Variants in NFIA observed in about 807,000 individuals in gnomAD.
NFIA encodes the protein nuclear factor I A, also known as nuclear factor 1 A-type.
In NFIA, 8 loss-of-function variants were observed where a neutral mutation model predicts 62.8. The ratio of observed to expected loss-of-function variants is 0.13; its 90% CI spans 0.07 to 0.23. NFIA has a LOEUF of 0.23. NFIA is among the 10% of genes least tolerant of loss of function. NFIA has a pLI of 1.00. For missense variants in NFIA, 410 were observed against 642.1 expected, an observed-to-expected ratio of 0.64 and a Z score of 3.91; for synonymous variants, 235 against 238.1, an observed-to-expected ratio of 0.99 and a Z score of 0.12.
At chr1:61,155,679 C>CAAA (rs35851988) in intron 2 of NFIA, among the ~76,000 whole-genome samples, 2,258 of 108,634 alleles carry the variant, frequency 0.021, 193 homozygotes, top group East Asian at 0.094. Flanking sequence ...GACTCCATCT[C>CAAA]AAAAAAAAAA....
chr1:61,205,120 C>G lies in NFIA; in HGVS notation c.560-72400C>G, dbSNP rs76359386. Among the ~76,000 whole-genome samples the G allele has an allele frequency of 6.8e-3, 1,040 of 152,282 alleles. 6 individuals carry two copies. The highest frequency in any genetic ancestry group is 0.024 in the African/African-American group (993 of 41,554). On this transcript the variant is annotated intron_variant, in intron 2 of 10. Coordinates refer to ENST00000403491, the MANE Select transcript of NFIA (RefSeq NM_001134673.4). ...AGGTAATACTATTATTATCTATCTC[C>G]ATTTTACAAATGAGGAAACTGAAGC... is the stretch of plus-strand genomic sequence containing the variant.
At chr1:61,374,719 T>A (rs1337930036) in intron 6 of NFIA, among the ~76,000 whole-genome samples, 1 of 152,210 alleles carries the variant, frequency 6.6e-6, no homozygotes, top group Non-Finnish European at 1.5e-5. Context: ...TGAACTTCTT[T>A]ATGATGTGAT....
At chr1:61,428,829 C>T (rs1666981977) in intron 10 of NFIA, among the ~76,000 whole-genome samples, 1 of 152,084 alleles carries the variant, frequency 6.6e-6, no homozygotes, top group Admixed American at 6.6e-5. Context: ...TATTGATACC[C>T]TTGTTACAAA....
intron 1 of NFIA, among the ~76,000 whole-genome samples, chr1:61,086,265 A>G (rs1403217971): frequency 6.6e-6 from 1 of 152,044 alleles, no homozygotes; most frequent in Non-Finnish European, 1.5e-5. Flanking sequence ...TCAAACCTAA[A>G]ATTTATGTAT....
At chr1:61,262,102 ATGT>A (rs970145862) in intron 2 of NFIA, among the ~76,000 whole-genome samples, 122 of 152,294 alleles carry the variant, frequency 8.0e-4, no homozygotes, top group African/African-American at 2.8e-3. Context: ...GGGACTTTTA[ATGT>A]TGTTCTATAC....
At chr1:61,226,370 CT>C (rs1654331728) in intron 2 of NFIA, among the ~76,000 whole-genome samples, 2 of 152,154 alleles carry the variant, frequency 1.3e-5, no homozygotes, top group African/African-American at 4.8e-5. Context: ...CATAATATTC[CT>C]TTACAAAATG....
At chr1:61,142,601 C>T (rs1171871724) in intron 2 of NFIA, among the ~76,000 whole-genome samples, 1 of 152,144 alleles carries the variant, frequency 6.6e-6, no homozygotes, top group Non-Finnish European at 1.5e-5. Flanking sequence ...TGAATGAACA[C>T]AGGATTATGA....
chr1:61,273,852 T>C (rs527837075), intron 2 of NFIA, among the ~76,000 whole-genome samples: 2 of 152,354 alleles, frequency 1.3e-5, no homozygotes, highest in South Asian at 2.1e-4. Flanking sequence ...TATCTTTGTT[T>C]ATTGCCTAAA....
At chr1:61,422,987 A>G (rs547394020) in intron 9 of NFIA, among the ~76,000 whole-genome samples, 1 of 152,302 alleles carries the variant, frequency 6.6e-6, no homozygotes, top group South Asian at 2.1e-4. Flanking sequence ...AATGCCTACC[A>G]TAAGGGGGTA....
intron 2 of NFIA, among the ~76,000 whole-genome samples, chr1:61,143,335 C>T (rs334728): frequency 0.93 from 141,069 of 152,208 alleles, 65,544 homozygotes; most frequent in Middle Eastern, 0.97. Flanking sequence ...ATAGCTACCA[C>T]TTAGAACTTC....
chr1:61,170,661 AT>A (rs1649900245), intron 2 of NFIA, among the ~76,000 whole-genome samples: 1 of 152,140 alleles, frequency 6.6e-6, no homozygotes, highest in African/African-American at 2.4e-5. Context: ...TATCAGTAAC[AT>A]TTTGAACTTT....
intron 2 of NFIA, among the ~76,000 whole-genome samples, chr1:61,241,398 G>A (rs745477527): frequency 1.3e-5 from 2 of 152,106 alleles, no homozygotes; most frequent in East Asian, 3.9e-4. Flanking sequence ...CCTCAGTGAG[G>A]ATGTTGTAAA....
chr1:61,222,005 A>T (rs896913091), intron 2 of NFIA, among the ~76,000 whole-genome samples: 2 of 152,122 alleles, frequency 1.3e-5, no homozygotes, highest in African/African-American at 4.8e-5. Flanking sequence ...CTTCAAAAGC[A>T]CTCTGAACTC....
chr1:61,180,543 T>G (rs1557618249), intron 2 of NFIA, among the ~76,000 whole-genome samples: 1 of 152,110 alleles, frequency 6.6e-6, no homozygotes, highest in Non-Finnish European at 1.5e-5. Flanking sequence ...GAGAGAAGAG[T>G]AGCTTTTAGT....
intron 2 of NFIA, among the ~76,000 whole-genome samples, chr1:61,095,393 C>T (rs940102012): frequency 5.3e-5 from 8 of 152,214 alleles, no homozygotes; most frequent in African/African-American, 1.9e-4. Flanking sequence ...GGCCAGGTTA[C>T]ATGTCCAGAG....
chr1:61,097,884 A>G (rs1328363982), intron 2 of NFIA, among the ~76,000 whole-genome samples: 1 of 152,194 alleles, frequency 6.6e-6, no homozygotes, highest in Non-Finnish European at 1.5e-5. Flanking sequence ...TGACATGACA[A>G]GTCCTTAGGT....
intron 6 of NFIA, among the ~76,000 whole-genome samples, chr1:61,362,530 C>T (rs571586343): frequency 2.0e-5 from 3 of 152,310 alleles, no homozygotes; most frequent in African/African-American, 7.2e-5. Flanking sequence ...AGACAAATTT[C>T]CTAGAGCAAC....
At chr1:61,240,134 C>T (rs1427454948) in intron 2 of NFIA, among the ~76,000 whole-genome samples, 13 of 152,104 alleles carry the variant, frequency 8.5e-5, no homozygotes, top group Admixed American at 8.5e-4. Context: ...AATTGTTTCA[C>T]TCTGTATAGT....
At chr1:61,188,483 G>C (rs567995293) in intron 2 of NFIA, among the ~76,000 whole-genome samples, 1 of 152,218 alleles carries the variant, frequency 6.6e-6, no homozygotes, top group South Asian at 2.1e-4. Context: ...CCCCATATGA[G>C]TTGTGCATTT....
Sources: gnomAD v4.1 joint callset for allele counts (sites outside exome capture counted in the v4.1 genomes callset) on GRCh38, gnomAD v4.1.1 for gene constraint, MANE v1.5 for transcripts, NCBI Gene and HGNC (gene_info 2026-07-23, HGNC 2026-07-21) for gene names.